Variants in MNAT1 observed in about 807,000 individuals in gnomAD.
The protein encoded by MNAT1 is MNAT1 component of CDK activating kinase.
MNAT1 carries 43 observed loss-of-function variants against 42.0 expected under a neutral mutation model. The ratio of observed to expected loss-of-function variants is 1.02; its 90% CI spans 0.80 to 1.32. The LOEUF is 1.32. Among genes scored for constraint, MNAT1 ranks in the 40% most tolerant of loss-of-function variants. The pLI is 0.00. For synonymous variants in MNAT1, 118 were observed against 120.0 expected (o/e 0.98, Z 0.11); for missense variants, 306 against 350.4 (o/e 0.87, Z 1.01).
chr14:60,943,091 G>A (rs2036209658), intron 7 of MNAT1, among the ~76,000 whole-genome samples: 1 of 106,594 alleles, frequency 9.4e-6, no homozygotes, highest in African/African-American at 3.7e-5. Flanking sequence ...TCTTGCTCTT[G>A]TCACCCAGGC....
At chr14:60,792,283 T>G (rs944308530) in intron 1 of MNAT1, among the ~76,000 whole-genome samples, 1 of 152,158 alleles carries the variant, frequency 6.6e-6, no homozygotes, top group Non-Finnish European at 1.5e-5. Flanking sequence ...TTTTGGCAAA[T>G]GATTTAGTTG....
At chr14:60,936,255 T>C (rs945061875) in intron 7 of MNAT1, among the ~76,000 whole-genome samples, 5 of 152,054 alleles carry the variant, frequency 3.3e-5, no homozygotes, top group African/African-American at 1.2e-4. Context: ...ATACTTTAAG[T>C]TTTAGGGTAC....
chr14:60,787,041 G>A lies in MNAT1; in HGVS notation c.90-9176G>A, dbSNP rs537124951. ...TTATAGTAAAGGTCTGTATGCAAATGCTAGCTTGGTTTAGTGGGACATCGT... is the reference window on the plus strand; with the variant it reads ...TTATAGTAAAGGTCTGTATGCAAATACTAGCTTGGTTTAGTGGGACATCGT... On this transcript the variant is annotated intron_variant, in intron 1 of 7. Coordinates refer to ENST00000261245, the MANE Select transcript of MNAT1 (RefSeq NM_002431.4). Among the ~76,000 whole-genome samples, 4 of 152,268 alleles carry A rather than the reference G, an allele frequency of 2.6e-5. No homozygotes were observed. In the South Asian group the frequency reaches 8.3e-4, roughly 32 times the overall value.
rs145251660 is a variant in MNAT1, at chr14:60,827,429, C to G, written c.687+8582C>G. ...TCGCTTTCAAGCATTGCATATTCCTCTGAACTCATTGGAAGATCTAACCTT... is the reference window on the plus strand; with the variant it reads ...TCGCTTTCAAGCATTGCATATTCCTGTGAACTCATTGGAAGATCTAACCTT... On this transcript the variant is annotated intron_variant, in intron 6 of 7. Coordinates refer to ENST00000261245, the MANE Select transcript of MNAT1 (RefSeq NM_002431.4). Among the ~76,000 whole-genome samples, 29 of 152,232 alleles carry G rather than the reference C, an allele frequency of 1.9e-4. 1 individual carries two copies. Among genetic ancestry groups the G allele is most frequent in the African/African-American group, 7.0e-4 (29 of 41,550 alleles).
chr14:60,879,840 G>C lies in MNAT1; in HGVS notation c.809+5G>C. On this transcript the variant is annotated splice_donor_5th_base_variant and intron_variant, in intron 7 of 7. Transcript: ENST00000261245. ...TGAGATGCTAGGAAGACTTGGGTAT[G>C]TGTCCTAAAGAACTTTACATTGAGG... 1 of 1,610,480 alleles carries C rather than the reference G, an allele frequency of 6.2e-7. No homozygotes were observed. Among genetic ancestry groups the C allele is most frequent in the Non-Finnish European group, 8.5e-7 (1 of 1,178,542 alleles).
chr14:60,766,807 C>A (rs539309910), intron 1 of MNAT1, among the ~76,000 whole-genome samples: 2 of 152,164 alleles, frequency 1.3e-5, no homozygotes, highest in South Asian at 2.1e-4. Flanking sequence ...TTTGGGGAGG[C>A]TTATTAATAT....
At chr14:60,765,576 T>C (rs1469364491) in intron 1 of MNAT1, among the ~76,000 whole-genome samples, 2 of 152,212 alleles carry the variant, frequency 1.3e-5, no homozygotes, top group Non-Finnish European at 2.9e-5. Context: ...ATGCTATGTC[T>C]AGTGCTGGAG....
At chr14:60,894,399 G>A (rs982833440) in intron 7 of MNAT1, among the ~76,000 whole-genome samples, 1 of 151,846 alleles carries the variant, frequency 6.6e-6, no homozygotes, top group African/African-American at 2.4e-5. Flanking sequence ...TATGGTGGTG[G>A]TACTTCTTAG....
intron 7 of MNAT1, among the ~76,000 whole-genome samples, chr14:60,936,881 G>C (rs1188483964): frequency 6.6e-6 from 1 of 152,128 alleles, no homozygotes; most frequent in Non-Finnish European, 1.5e-5. Context: ...ATCCTCTCCA[G>C]CACCTGTTGT....
intron 3 of MNAT1, among the ~76,000 whole-genome samples, chr14:60,802,501 G>C (rs4902006): frequency 0.92 from 140,441 of 151,984 alleles, 65,439 homozygotes; most frequent in Non-Finnish European, 0.99. Flanking sequence ...AAACTGGGCT[G>C]TCAGTTAAGA....
chr14:60,774,279 G>A (rs2031168271), intron 1 of MNAT1, among the ~76,000 whole-genome samples: 1 of 152,114 alleles, frequency 6.6e-6, no homozygotes, highest in African/African-American at 2.4e-5. Flanking sequence ...GGAAGATTGG[G>A]AAGAACAGAA....
intron 1 of MNAT1, among the ~76,000 whole-genome samples, chr14:60,760,424 G>T (rs778135553): frequency 1.3e-5 from 2 of 151,862 alleles, no homozygotes; most frequent in Non-Finnish European, 2.9e-5. Context: ...TTTCATAAAG[G>T]CTCTATTAGT....
intron 4 of MNAT1, among the ~76,000 whole-genome samples, chr14:60,809,321 C>T (rs879945290): frequency 2.0e-5 from 3 of 152,088 alleles, no homozygotes; most frequent in Admixed American, 1.3e-4. Flanking sequence ...TGTTTTATAT[C>T]AGCATTTCTT....
At chr14:60,962,298 C>T (rs1178774512) in intron 7 of MNAT1, among the ~76,000 whole-genome samples, 2 of 152,104 alleles carry the variant, frequency 1.3e-5, no homozygotes, top group Non-Finnish European at 2.9e-5. Flanking sequence ...TAAAATTTAT[C>T]AAATATCTTT....
At chr14:60,933,415 C>T (rs1240872002) in intron 7 of MNAT1, among the ~76,000 whole-genome samples, 1 of 152,006 alleles carries the variant, frequency 6.6e-6, no homozygotes, top group Non-Finnish European at 1.5e-5. Context: ...ACTTGGTTTT[C>T]TGATGTTTTG....
At chr14:60,935,009 T>G (rs563901726) in intron 7 of MNAT1, among the ~76,000 whole-genome samples, 101 of 151,220 alleles carry the variant, frequency 6.7e-4, no homozygotes, top group Non-Finnish European at 1.1e-3. Context: ...TATTTGTGGT[T>G]GTTTATTATT....
Position 60,808,268 on chromosome 14 carries a change from C to T in MNAT1, c.317-57C>T, listed in dbSNP as rs1197680472. ...CACTGTGGTATTTGTTTTTTATTGT[C>T]TACTCAAGATTTATATTAAAAATAT... is the stretch of plus-strand genomic sequence containing the variant. On this transcript the variant is annotated intron_variant, in intron 3 of 7. Transcript: ENST00000261245. The T allele has an allele frequency of 8.4e-6, 9 of 1,065,466 alleles. No homozygotes were observed. In the Admixed American group the frequency reaches 2.0e-4, roughly 24 times the overall value. 66.0% of individuals were successfully genotyped at this position (1,065,466 alleles called of 1,614,324 possible).
At chr14:60,827,994 C>G (rs1265955956) in intron 6 of MNAT1, among the ~76,000 whole-genome samples, 1 of 152,066 alleles carries the variant, frequency 6.6e-6, no homozygotes, top group Non-Finnish European at 1.5e-5. Flanking sequence ...GTTCTTAAAA[C>G]TTAAGATAAT....
In MNAT1 at chr14:60,864,501, C is replaced by T. The variant is rs530670277; in HGVS notation, c.688-15213C>T. ...ACTTGGTCTTGGAGAGCTTCAGTTT[C>T]TTTTCCTGTAAAACAGGTAAAACAT... On this transcript the variant is annotated intron_variant, in intron 6 of 7. Transcript: ENST00000261245. Among the ~76,000 whole-genome samples, 699 of 152,084 alleles carry T rather than the reference C, an allele frequency of 4.6e-3. 17 individuals are homozygous for T. In the East Asian group the frequency reaches 0.09, roughly 20 times the overall value.
Sources: gnomAD v4.1 joint callset for allele counts (sites outside exome capture counted in the v4.1 genomes callset) on GRCh38, gnomAD v4.1.1 for gene constraint, MANE v1.5 for transcripts, NCBI Gene and HGNC (gene_info 2026-07-23, HGNC 2026-07-21) for gene names.